Variants in ADRA1A observed in about 807,000 individuals in gnomAD.
ADRA1A encodes the protein adrenoceptor alpha 1A, also known as alpha-1A adrenergic receptor.
ADRA1A carries 31 observed loss-of-function variants against 29.6 expected under a neutral mutation model. The observed-to-expected ratio is 1.05, with a 90% CI of 0.79 to 1.41. The LOEUF (loss-of-function observed/expected upper bound fraction) is 1.41, where lower values mean the gene tolerates loss of function less well. Ranked by LOEUF, ADRA1A falls within the 40% of genes most tolerant of loss-of-function variation. The pLI is 0.00. For missense variants in ADRA1A, 619 were observed against 601.1 expected (o/e 1.03, Z -0.31); for synonymous variants, 311 against 254.3 (o/e 1.22, Z -2.12).
intron 2 of ADRA1A, among the ~76,000 whole-genome samples, chr8:26,819,974 T>C (rs1279709989): frequency 6.6e-6 from 1 of 152,002 alleles, no homozygotes; most frequent in East Asian, 1.9e-4. Flanking sequence ...CCAGACAAAA[T>C]GGACTTGAAG....
At chr8:26,751,516 C>T (rs1256531672), downstream of ADRA1A, among the ~76,000 whole-genome samples, 2 of 152,158 alleles carry the variant, frequency 1.3e-5, no homozygotes, top group African/African-American at 2.4e-5. Context: ...ACAGAGTTAA[C>T]CCCAAAGCTT....
At position 26,848,928 on chromosome 8, in the gene ADRA1A, G is replaced by A. The variant is rs941946344; in HGVS notation, c.883+15159C>T. On this transcript the variant is annotated intron_variant, in intron 2 of 2. Transcript: ENST00000380573. The surrounding 1 kb of genome is among the most constrained non-coding windows in gnomAD (Gnocchi z 4.3). ...TTCTGAAGGACTGAAGGAGAGAATCGCACTGCGGGTGACCCACTTCTGCTT... is the reference window on the plus strand; with the variant it reads ...TTCTGAAGGACTGAAGGAGAGAATCACACTGCGGGTGACCCACTTCTGCTT... Among the ~76,000 whole-genome samples, 4 of 152,162 alleles carry A rather than the reference G, an allele frequency of 2.6e-5. No individual in the cohort carries two copies. The highest frequency in any genetic ancestry group is 4.8e-5 in the African/African-American group (2 of 41,428).
chr8:26,850,870 GTGGGCCATACAGTCTC>G (rs1291179571), intron 2 of ADRA1A, among the ~76,000 whole-genome samples: 7 of 152,146 alleles, frequency 4.6e-5, no homozygotes, highest in African/African-American at 1.7e-4. Flanking sequence ...TTTAAACTTT[GTGGGCCATACAGTCTC>G]TGTAGCATCT....
At chr8:26,809,668 C>T (rs1381187403) in intron 2 of ADRA1A, among the ~76,000 whole-genome samples, 1 of 152,214 alleles carries the variant, frequency 6.6e-6, no homozygotes, top group African/African-American at 2.4e-5. Flanking sequence ...ATTAAATAAA[C>T]ATGTATTAAA....
intron 2 of ADRA1A, among the ~76,000 whole-genome samples, chr8:26,798,814 A>C (rs12678147): frequency 0.1 from 15,846 of 152,224 alleles, 1,329 homozygotes; most frequent in East Asian, 0.33. Context: ...CATCCCCATG[A>C]CAAAATTAAA....
chr8:26,783,987 A>C (rs1470448494), intron 2 of ADRA1A, among the ~76,000 whole-genome samples: 2 of 123,834 alleles, frequency 1.6e-5, no homozygotes, highest in Non-Finnish European at 3.3e-5. Flanking sequence ...GAACACAGGG[A>C]CACAATGGGG....
At chr8:26,847,180 T>G (rs1040124814) in intron 2 of ADRA1A, among the ~76,000 whole-genome samples, 3 of 151,994 alleles carry the variant, frequency 2.0e-5, no homozygotes, top group Non-Finnish European at 2.9e-5. Flanking sequence ...GTAACTAACC[T>G]GCACATTGTG....
chr8:26,852,123 C>A (rs769517258), intron 2 of ADRA1A, among the ~76,000 whole-genome samples: 8 of 152,068 alleles, frequency 5.3e-5, no homozygotes, highest in Non-Finnish European at 1.0e-4. Context: ...GAACAAACAA[C>A]AACAACAACA....
chr8:26,864,648 G>A lies in ADRA1A; in HGVS notation c.322C>T (p.Leu108=). The A allele has an allele frequency of 6.2e-7, 1 of 1,614,196 alleles. No homozygotes were observed. Among genetic ancestry groups the A allele is most frequent in the South Asian group, 1.1e-5 (1 of 91,084 alleles). Residue 108 remains leucine (L), a synonymous_variant, in exon 2 of 3, where the codon CTG becomes TTG. Transcript: ENST00000380573. This position sits in a 1 kb window ranked among gnomAD's most constrained non-coding sequence, Gnocchi z 8.1. ...CCCATGATGGACGCGGTGCAGCACAGCACATCCACTGCCGCCCAGATGTTG... is the reference window on the plus strand; with the variant it reads ...CCCATGATGGACGCGGTGCAGCACAACACATCCACTGCCGCCCAGATGTTG... ...FCNIWAAVDV[L]CCTASIMGLC...
chr8:26,846,108 T>C (rs17056057), intron 2 of ADRA1A, among the ~76,000 whole-genome samples: 12,843 of 152,240 alleles, frequency 0.084, 1,774 homozygotes, highest in African/African-American at 0.29. Flanking sequence ...TAAAACAAAG[T>C]GAGTAGACAA....
At chr8:26,790,252 A>T (rs377542638) in intron 2 of ADRA1A, among the ~76,000 whole-genome samples, 2 of 152,332 alleles carry the variant, frequency 1.3e-5, no homozygotes, top group East Asian at 3.9e-4. Flanking sequence ...TGGTATATAT[A>T]CACAATAGAA....
intron 2 of ADRA1A, among the ~76,000 whole-genome samples, chr8:26,813,518 A>G (rs1358166758): frequency 6.6e-6 from 1 of 151,910 alleles, no homozygotes; most frequent in African/African-American, 2.4e-5. Flanking sequence ...CCATCCATCC[A>G]TCCATCCATC....
At position 26,864,092 on chromosome 8, in the gene ADRA1A, G is replaced by T; in HGVS notation, c.878C>A (p.Pro293His). ...GAGGGGTGTTCAAGACTTACCAATGGGCATGACTAAGAAAAAAGGCAGCCA... is the reference window on the plus strand; with the variant it reads ...GAGGGGTGTTCAAGACTTACCAATGTGCATGACTAAGAAAAAAGGCAGCCA... ...LCWLPFFLVM[P>H]IGSFFPDFKP... Residue 293 changes from proline (P) to histidine (H), a missense_variant, in exon 2 of 3, where the codon CCC becomes CAC. Pro to His is a moderately conservative substitution (Grantham distance 77). Transcript: ENST00000380573. This position sits in a 1 kb window ranked among gnomAD's most constrained non-coding sequence, Gnocchi z 8.1. The T allele has an allele frequency of 6.2e-7, 1 of 1,612,698 alleles. No homozygotes were observed. Among genetic ancestry groups the T allele is most frequent in the Non-Finnish European group, 8.5e-7 (1 of 1,179,362 alleles).
At chr8:26,774,036 A>G (rs1427974126) in intron 2 of ADRA1A, among the ~76,000 whole-genome samples, 2 of 152,264 alleles carry the variant, frequency 1.3e-5, no homozygotes, top group Non-Finnish European at 2.9e-5. Flanking sequence ...GCCTAACCCC[A>G]GGAATATTTT....
chr8:26,785,095 G>A (rs944491349), intron 2 of ADRA1A, among the ~76,000 whole-genome samples: 1 of 152,132 alleles, frequency 6.6e-6, no homozygotes, highest in African/African-American at 2.4e-5. Context: ...AATGTTGAAT[G>A]AATGAATGTT....
At position 26,823,312 on chromosome 8, in the gene ADRA1A, G is replaced by A. The variant is rs1431773103; in HGVS notation, c.883+40775C>T. On this transcript the variant is annotated intron_variant, in intron 2 of 2. Coordinates refer to ENST00000380573, the MANE Select transcript of ADRA1A (RefSeq NM_000680.4). The surrounding 1 kb of genome is among the most constrained non-coding windows in gnomAD (Gnocchi z 4.2). The stretch of plus-strand genomic sequence containing the variant: ...CACGTGCTGGGGGCTGGGCATGGGC[G>A]GTGACTTCCATCTGCTTCCTCATGG... Among the ~76,000 whole-genome samples the A allele has an allele frequency of 2.0e-5, 3 of 152,036 alleles. No homozygotes were observed. The highest frequency in any genetic ancestry group is 2.9e-5 in the Non-Finnish European group (2 of 68,008).
At position 26,841,433 on chromosome 8, in the gene ADRA1A, C is replaced by T. The variant is rs1167826921; in HGVS notation, c.883+22654G>A. ...GAAGGCATCGGGCTTTCCCAGATAT[C>T]CTTTGCATTCAAATCCTCTCAACCA... On this transcript the variant is annotated intron_variant, in intron 2 of 2. Transcript: ENST00000380573. The surrounding 1 kb of genome is among the most constrained non-coding windows in gnomAD (Gnocchi z 4.4). Among the ~76,000 whole-genome samples, 1 of 152,194 alleles carries T rather than the reference C, an allele frequency of 6.6e-6. No homozygotes were observed. Among genetic ancestry groups the T allele is most frequent in the African/African-American group, 2.4e-5 (1 of 41,444 alleles).
chr8:26,839,348 C>T (rs964153791), intron 2 of ADRA1A, among the ~76,000 whole-genome samples: 8 of 151,946 alleles, frequency 5.3e-5, no homozygotes, highest in Admixed American at 1.3e-4. Flanking sequence ...TTAGTAGAGA[C>T]GGGGTTTCAC....
At chr8:26,765,509 C>T (rs560409332), downstream of ADRA1A, among the ~76,000 whole-genome samples, 12 of 152,354 alleles carry the variant, frequency 7.9e-5, no homozygotes, top group East Asian at 5.8e-4. Context: ...TCTGCAGATA[C>T]GGGGCAGGTG....
Sources: allele counts gnomAD v4.1 joint callset (sites outside exome capture counted in the v4.1 genomes callset), GRCh38; gene constraint gnomAD v4.1.1; non-coding constraint Gnocchi (gnomAD v3.1); transcripts MANE v1.5; gene names NCBI Gene and HGNC (gene_info 2026-07-23, HGNC 2026-07-21).